NLGN1: variants seen among roughly 807,000 people sequenced by gnomAD.
NLGN1 encodes neuroligin 1, also known as neuroligin-1.
In NLGN1, 12 loss-of-function variants were observed where a neutral mutation model predicts 65.5. The observed-to-expected ratio is 0.18, with a 90% CI of 0.12 to 0.30. The LOEUF (loss-of-function observed/expected upper bound fraction) is 0.30. Ranked by LOEUF, NLGN1 falls within the 10% of genes least tolerant of loss-of-function variation. NLGN1 has a pLI of 1.00. For synonymous variants in NLGN1, 350 were observed against 359.5 expected, an observed-to-expected ratio of 0.97 and a Z score of 0.30; for missense variants, 750 against 1,007.1, an observed-to-expected ratio of 0.74 and a Z score of 3.46.
At chr3:173,576,714 A>G (rs1745553272) in intron 2 of NLGN1, among the ~76,000 whole-genome samples, 1 of 152,138 alleles carries the variant, frequency 6.6e-6, no homozygotes, top group Non-Finnish European at 1.5e-5. Flanking sequence ...AAGATCCTCA[A>G]TTTAATCACA....
At chr3:173,940,806 A>T (rs1316038260) in intron 4 of NLGN1, among the ~76,000 whole-genome samples, 1 of 152,204 alleles carries the variant, frequency 6.6e-6, no homozygotes, top group Non-Finnish European at 1.5e-5. Flanking sequence ...CTGAATATCT[A>T]CGTGCATTTG....
Position 174,197,518 on chromosome 3 carries a change from C to CAAAAAAAA in NLGN1, c.647-77785_647-77778dup, listed in dbSNP as rs10663769. On this transcript the variant is annotated intron_variant, in intron 4 of 6. Coordinates refer to ENST00000457714, the Ensembl canonical transcript of NLGN1. ...TTTCTTGAGCTACGGTACTTAACCT[C>CAAAAAAAA]AAAAAAAAAAAAAAAAAAAGGAGAA... 5.1e-4 allele frequency among the ~76,000 whole-genome samples: 51 copies of CAAAAAAAA among 100,390 alleles called. 1 individual carries two copies. Among genetic ancestry groups the CAAAAAAAA allele is most frequent in the South Asian group, 7.8e-4 (2 of 2,572 alleles). The allele number at this position is 100,390 out of a possible 152,430, so 65.9% of individuals were successfully genotyped here.
chr3:173,619,871 T>C (rs1045113060), intron 3 of NLGN1, among the ~76,000 whole-genome samples: 2 of 152,144 alleles, frequency 1.3e-5, no homozygotes, highest in Non-Finnish European at 2.9e-5. Context: ...CACTTCATCA[T>C]GGTAATGATA....
At chr3:174,010,706 T>G (rs1011538996) in intron 4 of NLGN1, among the ~76,000 whole-genome samples, 1 of 152,186 alleles carries the variant, frequency 6.6e-6, no homozygotes, top group African/African-American at 2.4e-5. Context: ...GAATTAAAGT[T>G]GGGCTGCATC....
chr3:173,816,488 TC>T (rs1434182900), intron 4 of NLGN1, among the ~76,000 whole-genome samples: 12 of 152,330 alleles, frequency 7.9e-5, no homozygotes, highest in Non-Finnish European at 8.8e-5. Context: ...AAGTAAAAAC[TC>T]TTTATTTTCC....
intron 4 of NLGN1, among the ~76,000 whole-genome samples, chr3:174,130,399 G>C (rs1324958890): frequency 6.6e-6 from 1 of 151,866 alleles, no homozygotes; most frequent in South Asian, 2.1e-4. Flanking sequence ...AAACATCACT[G>C]TATAGTAGAT....
At chr3:174,142,318 T>C (rs1722439209) in intron 4 of NLGN1, among the ~76,000 whole-genome samples, 1 of 152,214 alleles carries the variant, frequency 6.6e-6, no homozygotes, top group Admixed American at 6.5e-5. Flanking sequence ...TTATCCATTC[T>C]TTCTTGATTG....
chr3:173,949,976 T>C (rs1300565571), intron 4 of NLGN1, among the ~76,000 whole-genome samples: 1 of 152,204 alleles, frequency 6.6e-6, no homozygotes, highest in African/African-American at 2.4e-5. Flanking sequence ...ATAGATATAG[T>C]TCTGAAAGAT....
At chr3:173,873,089 GA>G (rs1731463434) in intron 4 of NLGN1, among the ~76,000 whole-genome samples, 1 of 149,590 alleles carries the variant, frequency 6.7e-6, no homozygotes, top group Non-Finnish European at 1.5e-5. Context: ...ATGTATGATG[GA>G]TTTTTTTTTT....
chr3:174,253,019 T>G (rs932276690), intron 4 of NLGN1, among the ~76,000 whole-genome samples: 1 of 152,224 alleles, frequency 6.6e-6, no homozygotes. Flanking sequence ...TAATGGATTT[T>G]CATCATTATC....
chr3:173,482,964 ATG>A (rs1727545450), intron 2 of NLGN1, among the ~76,000 whole-genome samples: 1 of 152,056 alleles, frequency 6.6e-6, no homozygotes, highest in Non-Finnish European at 1.5e-5. Context: ...TAGAATTTAA[ATG>A]TGTTATAGAT....
At chr3:173,415,138 G>C (rs941964524) in intron 1 of NLGN1, among the ~76,000 whole-genome samples, 6 of 152,238 alleles carry the variant, frequency 3.9e-5, no homozygotes, top group Admixed American at 3.3e-4. Context: ...GTTATTAAAG[G>C]GTGATTTCAA....
intron 4 of NLGN1, among the ~76,000 whole-genome samples, chr3:174,230,448 G>A (rs913110561): frequency 6.6e-6 from 1 of 151,868 alleles, no homozygotes; most frequent in African/African-American, 2.4e-5. Flanking sequence ...ACTATTATTG[G>A]TGTGTAAACT....
intron 3 of NLGN1, among the ~76,000 whole-genome samples, chr3:173,644,868 A>T (rs1758001522): frequency 1.3e-5 from 2 of 152,218 alleles, no homozygotes; most frequent in Non-Finnish European, 2.9e-5. Flanking sequence ...ATACCCTCCA[A>T]GGTGGGCAGG....
chr3:174,013,421 T>A (rs977021944), intron 4 of NLGN1, among the ~76,000 whole-genome samples: 5 of 152,152 alleles, frequency 3.3e-5, no homozygotes, highest in Non-Finnish European at 2.9e-5. Context: ...AAGTAAAACA[T>A]AAAATAATAT....
chr3:174,066,058 T>C (rs1298928337), intron 4 of NLGN1, among the ~76,000 whole-genome samples: 1 of 152,222 alleles, frequency 6.6e-6, no homozygotes, highest in Non-Finnish European at 1.5e-5. Context: ...CACTTGGATT[T>C]GTAAGACTGC....
At chr3:173,956,726 C>G (rs372931185) in intron 4 of NLGN1, among the ~76,000 whole-genome samples, 1 of 152,076 alleles carries the variant, frequency 6.6e-6, no homozygotes, top group Non-Finnish European at 1.5e-5. Flanking sequence ...TCAGTGTAAA[C>G]GTTCTAAATA....
intron 4 of NLGN1, among the ~76,000 whole-genome samples, chr3:174,071,709 C>A (rs1162843242): frequency 1.4e-5 from 2 of 140,068 alleles, no homozygotes; most frequent in African/African-American, 5.7e-5. Flanking sequence ...CTTTGCGAGA[C>A]CCTGTCCCAA....
chr3:174,195,993 T>C (rs1385224005), intron 4 of NLGN1, among the ~76,000 whole-genome samples: 1 of 152,092 alleles, frequency 6.6e-6, no homozygotes, highest in Non-Finnish European at 1.5e-5. Flanking sequence ...CTGTCAAGAT[T>C]GATGAGGATA....
Sources: gnomAD v4.1 joint callset for allele counts (sites outside exome capture counted in the v4.1 genomes callset) on GRCh38, gnomAD v4.1.1 for gene constraint, MANE v1.5 for transcripts, NCBI Gene and HGNC (gene_info 2026-07-23, HGNC 2026-07-21) for gene names.